FHAD1: variants seen among roughly 807,000 people sequenced by gnomAD.
FHAD1 encodes the protein forkhead associated phosphopeptide binding domain 1.
A neutral mutation model predicts 191.3 loss-of-function variants in FHAD1; 146 were observed. That is an observed-to-expected ratio of 0.76 (90% CI 0.67 to 0.88). The LOEUF (loss-of-function observed/expected upper bound fraction) is 0.88. Ranked by LOEUF, FHAD1 falls within the 40% of genes least tolerant of loss-of-function variation. The probability of loss-of-function intolerance (pLI) is 0.00; values close to 1 mark genes in which losing one functional copy is unlikely to be tolerated. For missense variants in FHAD1, 1,635 were observed against 1,785.8 expected (o/e 0.92, Z 1.52); for synonymous variants, 616 against 672.3 (o/e 0.92, Z 1.29).
intron 2 of FHAD1, among the ~76,000 whole-genome samples, chr1:15,252,342 C>T (rs1313753662): frequency 6.6e-6 from 1 of 152,186 alleles, no homozygotes; most frequent in Admixed American, 6.5e-5. Context: ...CATATTTATA[C>T]TCACTTTTAA....
intron 21 of FHAD1, among the ~76,000 whole-genome samples, chr1:15,360,139 G>T (rs987527759): frequency 6.6e-5 from 10 of 152,210 alleles, no homozygotes; most frequent in African/African-American, 1.9e-4. Context: ...ACAACAAAAA[G>T]TTTACATTTC....
At chr1:15,363,303 A>C (rs1353411281) in intron 23 of FHAD1, among the ~76,000 whole-genome samples, 1 of 152,164 alleles carries the variant, frequency 6.6e-6, no homozygotes, top group African/African-American at 2.4e-5. Context: ...GTAGTCCACA[A>C]ATCTATTAAT....
intron 18 of FHAD1, among the ~76,000 whole-genome samples, chr1:15,348,447 T>C (rs1689682308): frequency 6.6e-6 from 1 of 152,206 alleles, no homozygotes; most frequent in Non-Finnish European, 1.5e-5. Context: ...TACCAGCAAG[T>C]AACTTCCCAG....
intron 3 of FHAD1, among the ~76,000 whole-genome samples, chr1:15,282,783 A>T (rs1053580867): frequency 5.9e-5 from 9 of 152,244 alleles, no homozygotes; most frequent in Non-Finnish European, 1.3e-4. Context: ...CTAAGAATAG[A>T]CAAGCAACAA....
At chr1:15,242,149 C>A (rs932834369) in intron 1 of FHAD1, among the ~76,000 whole-genome samples, 1 of 150,742 alleles carries the variant, frequency 6.6e-6, no homozygotes, top group East Asian at 2.0e-4. Flanking sequence ...AGGAGAATCG[C>A]TTGAACCCGG....
chr1:15,401,073 C>T (rs1236645018), downstream of FHAD1, among the ~76,000 whole-genome samples: 1 of 152,202 alleles, frequency 6.6e-6, no homozygotes, highest in Non-Finnish European at 1.5e-5. Context: ...AGTTCCAGTA[C>T]CTGCCCTTGG....
At chr1:15,302,460 G>A (rs769627344) in intron 6 of FHAD1, among the ~76,000 whole-genome samples, 10 of 152,028 alleles carry the variant, frequency 6.6e-5, no homozygotes, top group East Asian at 1.9e-4. Flanking sequence ...GCGCGGTGGC[G>A]CACGCCTGTA....
intron 28 of FHAD1, among the ~76,000 whole-genome samples, chr1:15,378,371 G>T (rs556933270): frequency 5.3e-5 from 8 of 152,348 alleles, no homozygotes; most frequent in Non-Finnish European, 1.0e-4. Context: ...GATAATGAAT[G>T]ACAGAGCCAG....
At chr1:15,389,168 A>G (rs1703132276) in intron 32 of FHAD1, among the ~76,000 whole-genome samples, 1 of 152,206 alleles carries the variant, frequency 6.6e-6, no homozygotes. Flanking sequence ...GTGTGGGTAA[A>G]GAATCCTACT....
chr1:15,350,368 C>A (rs958764920), intron 19 of FHAD1, among the ~76,000 whole-genome samples: 2 of 152,190 alleles, frequency 1.3e-5, no homozygotes, highest in Admixed American at 6.5e-5. Flanking sequence ...AAGTGACATT[C>A]CAGTGAGAAC....
chr1:15,306,689 A>G (rs932561891), intron 6 of FHAD1, among the ~76,000 whole-genome samples: 1 of 152,254 alleles, frequency 6.6e-6, no homozygotes, highest in Non-Finnish European at 1.5e-5. Flanking sequence ...GGAAGCCCCA[A>G]GCTTTTGCAG....
chr1:15,303,848 CAAAAAAA>C (rs765601462), intron 6 of FHAD1, among the ~76,000 whole-genome samples: 4 of 104,428 alleles, frequency 3.8e-5, no homozygotes, highest in Non-Finnish European at 8.4e-5. Context: ...GACTCTGTCT[CAAAAAAA>C]AAAAAAAAGA....
chr1:15,258,819 C>G (rs1649613290), intron 2 of FHAD1, among the ~76,000 whole-genome samples: 4 of 152,070 alleles, frequency 2.6e-5, no homozygotes, highest in Admixed American at 6.6e-5. Flanking sequence ...AACTCCTGAC[C>G]TCAGGTGATC....
intron 6 of FHAD1, 53 bp downstream of exon 6, chr1:15,301,494 C>T (rs1185682048): frequency 2.7e-6 from 4 of 1,493,714 alleles, no homozygotes; most frequent in Admixed American, 2.1e-5. Context: ...GCCCGGGAGG[C>T]CCCAGGACCA....
At chr1:15,270,564 G>C (rs1172014514) in intron 2 of FHAD1, among the ~76,000 whole-genome samples, 1 of 152,128 alleles carries the variant, frequency 6.6e-6, no homozygotes, top group African/African-American at 2.4e-5. Context: ...TGTTACTCTA[G>C]TATACATATT....
chr1:15,380,267 C>G (rs1700599630), intron 28 of FHAD1, among the ~76,000 whole-genome samples: 1 of 152,184 alleles, frequency 6.6e-6, no homozygotes, highest in Non-Finnish European at 1.5e-5. Flanking sequence ...GCCCCACAAT[C>G]TGGCGTGGTT....
intron 1 of FHAD1, among the ~76,000 whole-genome samples, chr1:15,236,898 A>C (rs1644840958): frequency 6.6e-6 from 1 of 152,144 alleles, no homozygotes; most frequent in Non-Finnish European, 1.5e-5. Context: ...ACCCAGTGGG[A>C]GGTAATTGAG....
intron 31 of FHAD1, among the ~76,000 whole-genome samples, chr1:15,385,580 T>C (rs1213505646): frequency 1.3e-5 from 2 of 152,098 alleles, no homozygotes; most frequent in African/African-American, 4.8e-5. Context: ...GAGACCAGCC[T>C]GGGCAACATA....
chr1:15,346,011 C>T (rs1195203125), intron 18 of FHAD1, among the ~76,000 whole-genome samples: 2 of 152,164 alleles, frequency 1.3e-5, no homozygotes, highest in African/African-American at 2.4e-5. Context: ...CAAACTCTTA[C>T]GCCCCGGAGG....
Sources: gnomAD v4.1 joint callset for allele counts (sites outside exome capture counted in the v4.1 genomes callset) on GRCh38, gnomAD v4.1.1 for gene constraint, MANE v1.5 for transcripts, NCBI Gene and HGNC (gene_info 2026-07-23, HGNC 2026-07-21) for gene names.